The following PKN2 variants were observed in gnomAD, a reference collection of about 807,000 sequenced individuals.
PKN2 encodes protein kinase N2.
A neutral mutation model predicts 119.1 loss-of-function variants in PKN2; 38 were observed. The ratio of observed to expected loss-of-function variants is 0.32; its 90% CI spans 0.25 to 0.42. The LOEUF is 0.42. PKN2 is among the 10% of genes least tolerant of loss of function. PKN2 has a pLI of 1.00. For synonymous variants in PKN2, 390 were observed against 384.9 expected (o/e 1.01, Z -0.15); for missense variants, 850 against 1,165.1 (o/e 0.73, Z 3.94).
At chr1:88,820,113 C>T (rs998880779) in intron 16 of PKN2, among the ~76,000 whole-genome samples, 2 of 145,848 alleles carry the variant, frequency 1.4e-5, no homozygotes, top group Admixed American at 1.4e-4. Flanking sequence ...GTACATTCTG[C>T]ACATGTATCC....
intron 1 of PKN2, among the ~76,000 whole-genome samples, chr1:88,702,690 A>T (rs1177030727): frequency 4.6e-5 from 7 of 152,228 alleles, no homozygotes; most frequent in African/African-American, 1.7e-4. Flanking sequence ...TCTTTCTAGT[A>T]TGATGAAAGA....
intron 8 of PKN2, among the ~76,000 whole-genome samples, chr1:88,803,139 G>A (rs1215169450): frequency 6.6e-6 from 1 of 152,116 alleles, no homozygotes; most frequent in Non-Finnish European, 1.5e-5. Context: ...ATGAGTCAGA[G>A]AGAAGAAATG....
At chr1:88,690,470 A>G (rs1046146439) in intron 1 of PKN2, among the ~76,000 whole-genome samples, 3 of 152,224 alleles carry the variant, frequency 2.0e-5, no homozygotes, top group African/African-American at 7.2e-5. Flanking sequence ...AGTATATGAC[A>G]TTTAATATGA....
chr1:88,690,768 A>C (rs1308017796), intron 1 of PKN2, among the ~76,000 whole-genome samples: 1 of 152,216 alleles, frequency 6.6e-6, no homozygotes, highest in African/African-American at 2.4e-5. Context: ...CCTGTAAAAA[A>C]TGAAGATCAA....
At chr1:88,790,000 A>G (rs942016631) in intron 8 of PKN2, among the ~76,000 whole-genome samples, 1 of 152,058 alleles carries the variant, frequency 6.6e-6, no homozygotes, top group Non-Finnish European at 1.5e-5. Flanking sequence ...CTGCATACCT[A>G]TTATTTATCC....
chr1:88,729,735 G>A (rs1557571492), intron 1 of PKN2, among the ~76,000 whole-genome samples: 1 of 152,184 alleles, frequency 6.6e-6, no homozygotes. Context: ...CCATGTGGAA[G>A]GGTGTGAATG....
intron 16 of PKN2, among the ~76,000 whole-genome samples, chr1:88,818,577 G>C (rs1672111199): frequency 6.6e-6 from 1 of 151,762 alleles, no homozygotes; most frequent in Non-Finnish European, 1.5e-5. Context: ...GAACCTGGGA[G>C]GTGGAGGTTG....
At chr1:88,706,188 A>G (rs1020222906) in intron 1 of PKN2, among the ~76,000 whole-genome samples, 1 of 152,158 alleles carries the variant, frequency 6.6e-6, no homozygotes, top group Non-Finnish European at 1.5e-5. Context: ...TGTAGTATTC[A>G]GTGTATGGGT....
At chr1:88,708,348 A>T (rs949532957) in intron 1 of PKN2, among the ~76,000 whole-genome samples, 1 of 152,146 alleles carries the variant, frequency 6.6e-6, no homozygotes, top group Non-Finnish European at 1.5e-5. Context: ...ACTTTATTCC[A>T]TTTAGTAGTA....
At chr1:88,727,538 A>C (rs1036379300) in intron 1 of PKN2, among the ~76,000 whole-genome samples, 5 of 152,120 alleles carry the variant, frequency 3.3e-5, no homozygotes, top group African/African-American at 1.2e-4. Flanking sequence ...GACCATTTGT[A>C]TTTAAAGTGA....
chr1:88,825,192 A>T (rs1262320453), intron 18 of PKN2, among the ~76,000 whole-genome samples: 1 of 152,138 alleles, frequency 6.6e-6, no homozygotes, highest in East Asian at 1.9e-4. Context: ...ATACCCACTG[A>T]CCTAATTGCT....
intron 8 of PKN2, among the ~76,000 whole-genome samples, chr1:88,796,578 A>T (rs923383652): frequency 1.3e-5 from 2 of 152,058 alleles, no homozygotes; most frequent in African/African-American, 4.8e-5. Context: ...TTCCCCTCTG[A>T]TGACTTTGTC....
rs372056086 is a variant in PKN2 at position 88,822,011 on chromosome 1, A to G, written c.2342+8A>G. 2.0e-6 allele frequency: 3 copies of G among 1,528,910 alleles called. No homozygotes were observed. Among genetic ancestry groups the G allele is most frequent in the Non-Finnish European group, 2.6e-6 (3 of 1,139,476 alleles). The allele number at this position is 1,528,910 out of a possible 1,614,324, so 94.7% of individuals were successfully genotyped here. A position where few individuals can be genotyped will look rare whatever the true frequency, so the allele number is the denominator to read the frequency against. On this transcript the variant is annotated splice_region_variant and intron_variant, in intron 17 of 21. Transcript: ENST00000370521. ...ACACAAAATTGTTTATAGGTAAGTT[A>G]ATTTTTAATTTTTTCTAATGGCTTG...
chr1:88,715,677 T>C (rs547172541), intron 1 of PKN2, among the ~76,000 whole-genome samples: 1 of 152,154 alleles, frequency 6.6e-6, no homozygotes, highest in Non-Finnish European at 1.5e-5. Context: ...TCTGTTTGAT[T>C]CTTCTCTCTT....
intron 2 of PKN2, among the ~76,000 whole-genome samples, chr1:88,742,113 G>A (rs181609713): frequency 6.6e-6 from 1 of 151,850 alleles, no homozygotes; most frequent in Non-Finnish European, 1.5e-5. Context: ...TTAAGCCAAG[G>A]CCTCAAGACA....
chr1:88,742,204 A>G (rs554779984), intron 2 of PKN2, among the ~76,000 whole-genome samples: 8 of 152,286 alleles, frequency 5.3e-5, no homozygotes, highest in African/African-American at 1.7e-4. Context: ...CACCTATAGC[A>G]TGGTAGAAAA....
intron 1 of PKN2, among the ~76,000 whole-genome samples, chr1:88,738,195 C>G (rs573916847): frequency 6.6e-6 from 1 of 151,968 alleles, no homozygotes; most frequent in South Asian, 2.1e-4. Flanking sequence ...AAAAACCAAA[C>G]TAATCTGCCA....
chr1:88,685,969 A>G (rs1052783028), intron 1 of PKN2, among the ~76,000 whole-genome samples: 8 of 152,342 alleles, frequency 5.3e-5, no homozygotes, highest in African/African-American at 1.9e-4. Context: ...AACAATGTAT[A>G]TCAATGCAGT....
At chr1:88,707,943 A>G (rs906323414) in intron 1 of PKN2, among the ~76,000 whole-genome samples, 1 of 152,156 alleles carries the variant, frequency 6.6e-6, no homozygotes, top group Non-Finnish European at 1.5e-5. Context: ...TAGTTGTTCT[A>G]GTATTTTTCT....
Sources: gnomAD v4.1 joint callset for allele counts (sites outside exome capture counted in the v4.1 genomes callset) on GRCh38, gnomAD v4.1.1 for gene constraint, MANE v1.5 for transcripts, NCBI Gene and HGNC (gene_info 2026-07-23, HGNC 2026-07-21) for gene names.